Variants in CSMD1 observed in about 807,000 individuals in gnomAD.
CSMD1 encodes CUB and sushi domain-containing protein 1.
A neutral mutation model predicts 417.5 loss-of-function variants in CSMD1; 213 were observed. The observed-to-expected ratio is 0.51, with a 90% CI of 0.46 to 0.57. CSMD1 has a LOEUF of 0.57. Among genes scored for constraint, CSMD1 ranks in the 20% least tolerant of loss-of-function variants. The probability of loss-of-function intolerance (pLI) is 0.00; values close to 1 mark genes in which losing one functional copy is unlikely to be tolerated. For missense variants in CSMD1, 6,923 were observed against 4,529.7 expected (o/e 1.53, Z -15.17); for synonymous variants, 2,862 against 1,736.8 (o/e 1.65, Z -16.11).
intron 3 of CSMD1, among the ~76,000 whole-genome samples, chr8:4,210,187 G>T (rs535784566): frequency 2.0e-5 from 3 of 152,176 alleles, no homozygotes; most frequent in Non-Finnish European, 4.4e-5. Flanking sequence ...CCATCTGTGG[G>T]AGCTCCTTCA....
chr8:3,303,024 C>T lies in CSMD1; in HGVS notation c.3950+4671G>A, dbSNP rs752070510. Reference sequence around the variant, plus strand: ...TAGCAGCCATAGGCATAGGGAAAAACTGTAGACTTCTATAACTCTTTTACT... The same window carrying T: ...TAGCAGCCATAGGCATAGGGAAAAATTGTAGACTTCTATAACTCTTTTACT... On this transcript the variant is annotated intron_variant, in intron 25 of 69. Coordinates refer to ENST00000635120, the MANE Select transcript of CSMD1 (RefSeq NM_033225.6). 1.8e-4 allele frequency among the ~76,000 whole-genome samples: 27 copies of T among 152,196 alleles called. 1 individual carries two copies. Among genetic ancestry groups the T allele is most frequent in the Admixed American group, 1.6e-3 (24 of 15,284 alleles).
intron 27 of CSMD1, among the ~76,000 whole-genome samples, chr8:3,229,052 C>A (rs186963161): frequency 6.6e-6 from 1 of 152,266 alleles, no homozygotes. Flanking sequence ...CTTCAGACAA[C>A]TGGGATAAGT....
At chr8:4,705,145 G>C (rs1237014973) in intron 1 of CSMD1, among the ~76,000 whole-genome samples, 1 of 152,058 alleles carries the variant, frequency 6.6e-6, no homozygotes, top group East Asian at 1.9e-4. Context: ...TGTGAAGAAG[G>C]TTCCTCCTTC....
At chr8:4,648,245 C>A (rs568348812) in intron 1 of CSMD1, among the ~76,000 whole-genome samples, 12 of 152,272 alleles carry the variant, frequency 7.9e-5, no homozygotes, top group African/African-American at 2.6e-4. Context: ...TATCCTTTGC[C>A]CACTTTTTGA....
chr8:3,993,098 G>C (rs1444011566), intron 5 of CSMD1, among the ~76,000 whole-genome samples: 4 of 152,216 alleles, frequency 2.6e-5, no homozygotes, highest in Admixed American at 2.6e-4. Context: ...CTGAAAATGA[G>C]TTAGCAGCAC....
chr8:4,530,314 C>CTTTTTGTTTTTTTTTTTTTTTTTT (rs1796739581), intron 2 of CSMD1, among the ~76,000 whole-genome samples: 1 of 46,658 alleles, frequency 2.1e-5, no homozygotes, highest in Non-Finnish European at 3.7e-5. Context: ...ACAGGTAGTG[C>CTTTTTGTTTTTTTTTTTTTTTTTT]TTTTTTTTTT....
chr8:3,071,851 G>A (rs1048751366), intron 49 of CSMD1, among the ~76,000 whole-genome samples: 1 of 152,150 alleles, frequency 6.6e-6, no homozygotes. Context: ...GTCCAGTTAT[G>A]AAGGCAGCAT....
At chr8:4,527,332 C>CT (rs1295469783) in intron 2 of CSMD1, among the ~76,000 whole-genome samples, 1 of 152,030 alleles carries the variant, frequency 6.6e-6, no homozygotes. Flanking sequence ...TTCCTCTGCC[C>CT]TTTACCCAAA....
intron 1 of CSMD1, among the ~76,000 whole-genome samples, chr8:4,732,232 TTCTAC>T (rs1269629923): frequency 6.6e-6 from 1 of 152,108 alleles, no homozygotes; most frequent in African/African-American, 2.4e-5. Context: ...GTAGAACTCT[TTCTAC>T]TCTAACAAAC....
chr8:3,741,399 C>T lies in CSMD1; in HGVS notation c.931+12531G>A, dbSNP rs558920493. On this transcript the variant is annotated intron_variant, in intron 6 of 69. Transcript: ENST00000635120. ...ATGTATCACAGGATGGCATATAGGG[C>T]CAGGTTATCCCATCCAGCTTCTGAA... Among the ~76,000 whole-genome samples, 4 of 152,074 alleles carry T rather than the reference C, an allele frequency of 2.6e-5. No individual in the cohort carries two copies. In the South Asian group the frequency reaches 6.2e-4, roughly 24 times the overall value.
chr8:3,279,887 C>A (rs571335881), intron 26 of CSMD1, among the ~76,000 whole-genome samples: 1 of 152,182 alleles, frequency 6.6e-6, no homozygotes, highest in Non-Finnish European at 1.5e-5. Flanking sequence ...CCACCTCCAC[C>A]TGGTCCCACC....
intron 42 of CSMD1, 41 bp from the exon 43 acceptor site, chr8:3,110,376 A>G: frequency 1.3e-6 from 2 of 1,516,824 alleles, no homozygotes; most frequent in South Asian, 1.3e-5. Context: ...CATACAGCTG[A>G]TTTTAGAGAG....
intron 3 of CSMD1, among the ~76,000 whole-genome samples, chr8:4,286,130 A>G (rs149069629): frequency 3.5e-4 from 54 of 152,192 alleles, no homozygotes; most frequent in Non-Finnish European, 6.5e-4. Flanking sequence ...ATATGCGCAC[A>G]TAACGTTTTT....
intron 7 of CSMD1, among the ~76,000 whole-genome samples, chr8:3,684,161 A>G (rs117682558): frequency 0.14 from 20,104 of 142,410 alleles, 1,674 homozygotes; most frequent in South Asian, 0.21. Context: ...TATAATTTAT[A>G]TAATATATAT....
chr8:3,181,251 A>G, intron 36 of CSMD1, 37 bp from the exon 37 acceptor site: 1 of 1,322,440 alleles, frequency 7.6e-7, no homozygotes, highest in Non-Finnish European at 1.1e-6. Context: ...GTAACACTAC[A>G]AATACATTCA....
intron 6 of CSMD1, among the ~76,000 whole-genome samples, chr8:3,717,934 G>C (rs2129043442): frequency 6.6e-6 from 1 of 152,204 alleles, no homozygotes; most frequent in South Asian, 2.1e-4. Context: ...AGTCAAGGCT[G>C]TTAATCTACT....
chr8:4,568,747 AGCG>A (rs1798740195), intron 2 of CSMD1, among the ~76,000 whole-genome samples: 1 of 152,172 alleles, frequency 6.6e-6, no homozygotes, highest in East Asian at 1.9e-4. Flanking sequence ...ACAGTGTAAA[AGCG>A]CTCCTAATTC....
At chr8:4,446,221 T>A (rs774078825) in intron 2 of CSMD1, among the ~76,000 whole-genome samples, 4 of 152,180 alleles carry the variant, frequency 2.6e-5, no homozygotes, top group Non-Finnish European at 5.9e-5. Context: ...AATCATCTAT[T>A]TCTAGGATAC....
At chr8:3,166,139 C>T (rs1415215710) in intron 37 of CSMD1, among the ~76,000 whole-genome samples, 1 of 151,920 alleles carries the variant, frequency 6.6e-6, no homozygotes, top group Non-Finnish European at 1.5e-5. Context: ...TGAGTCTATA[C>T]ATGTATACAT....
Sources: allele counts gnomAD v4.1 joint callset (sites outside exome capture counted in the v4.1 genomes callset), GRCh38; gene constraint gnomAD v4.1.1; transcripts MANE v1.5; gene names NCBI Gene and HGNC (gene_info 2026-07-23, HGNC 2026-07-21).